The following NUP88 variants were observed in gnomAD, a reference collection of about 807,000 sequenced individuals.
NUP88 encodes the protein nuclear pore complex protein Nup88.
Under a neutral mutation model 93.9 loss-of-function variants are expected in NUP88, and 57 were observed. The ratio of observed to expected loss-of-function variants is 0.61; its 90% CI spans 0.49 to 0.76. The LOEUF is 0.76. Among genes scored for constraint, NUP88 ranks in the 30% least tolerant of loss-of-function variants. The pLI, the probability that NUP88 is intolerant of heterozygous loss-of-function variation, is 0.00. For synonymous variants in NUP88, 346 were observed against 336.8 expected, an observed-to-expected ratio of 1.03 and a Z score of -0.30; for missense variants, 911 against 901.0, an observed-to-expected ratio of 1.01 and a Z score of -0.14.
chr17:5,413,624 C>G (rs918912939), intron 3 of NUP88, among the ~76,000 whole-genome samples: 6 of 152,114 alleles, frequency 3.9e-5, no homozygotes, highest in Non-Finnish European at 7.4e-5. Flanking sequence ...AGCCCCCCAA[C>G]CCCTAAAAAG....
chr17:5,401,662 ATC>A (rs748657335), intron 7 of NUP88, among the ~76,000 whole-genome samples: 1 of 152,238 alleles, frequency 6.6e-6, no homozygotes, highest in Non-Finnish European at 1.5e-5. Context: ...TATGGGAATC[ATC>A]TGTTTGCATA....
chr17:5,393,435 CTTTTTTTT>C (rs35265554), intron 9 of NUP88, among the ~76,000 whole-genome samples: 3 of 121,698 alleles, frequency 2.5e-5, no homozygotes, highest in African/African-American at 6.1e-5. Context: ...GTTCACTTTT[CTTTTTTTT>C]TTTTTTTTTT....
Position 5,416,772 on chromosome 17 carries a change from TACAATTATAGGATA to T in NUP88, c.298-104_298-91del, listed in dbSNP as rs909035403. 1.5e-4 allele frequency: 144 copies of T among 991,230 alleles called. 1 individual carries two copies. The African/African-American group carries it at 2.1e-3, about 14-fold the overall frequency. 61.4% of individuals were successfully genotyped at this position (991,230 alleles called of 1,614,324 possible). ...GAAATCACAGTAATACTTAGTTTACTACAATTATAGGATAATAAAACTCTGGATAAGTACTCACA... is the reference window on the plus strand; with the variant it reads ...GAAATCACAGTAATACTTAGTTTACTATAAAACTCTGGATAAGTACTCACA... On this transcript the variant is annotated intron_variant, in intron 1 of 16. Coordinates refer to ENST00000573584, the MANE Select transcript of NUP88 (RefSeq NM_002532.6).
rs776638570 is a variant in NUP88 at position 5,399,688 on chromosome 17, T to G, written c.1193-38A>C. The stretch of plus-strand genomic sequence containing the variant: ...TGATTAATGATACAAAGGTAGCCAG[T>G]GGATAACTAAAAAAATTTACCTCAA... On this transcript the variant is annotated intron_variant, in intron 7 of 16. Coordinates refer to ENST00000573584, the MANE Select transcript of NUP88 (RefSeq NM_002532.6). 26 of 1,153,064 alleles carry G rather than the reference T, an allele frequency of 2.3e-5. No individual in the cohort carries two copies. In the African/African-American group the frequency reaches 3.8e-4, roughly 17 times the overall value. 71.4% of individuals were successfully genotyped at this position (1,153,064 alleles called of 1,614,324 possible).
At chr17:5,390,853 C>T (rs568930191) in intron 10 of NUP88, among the ~76,000 whole-genome samples, 1 of 152,146 alleles carries the variant, frequency 6.6e-6, no homozygotes, top group African/African-American at 2.4e-5. Flanking sequence ...TACCACCATG[C>T]CTGGCTAATT....
In NUP88 at chr17:5,396,564, G is replaced by A. The variant is rs1460077050; in HGVS notation, c.1292-1583C>T. 2.0e-5 allele frequency among the ~76,000 whole-genome samples: 3 copies of A among 152,090 alleles called. No homozygotes were observed. In the East Asian group the frequency reaches 5.8e-4, roughly 29 times the overall value. On this transcript the variant is annotated intron_variant, in intron 8 of 16. Coordinates refer to ENST00000573584, the MANE Select transcript of NUP88 (RefSeq NM_002532.6). ...ATGGACACTTGGGTATGTGGCTTCT[G>A]GGCTATGATGAATAATGCTGCTGTG...
chr17:5,394,441 A>G (rs56113612), intron 9 of NUP88, among the ~76,000 whole-genome samples: 66,207 of 151,848 alleles, frequency 0.44, 15,169 homozygotes, highest in East Asian at 0.84. Flanking sequence ...AGTGAAGGGC[A>G]GACACAGTCT....
chr17:5,402,826 C>T (rs1567572007), intron 7 of NUP88, among the ~76,000 whole-genome samples: 1 of 152,100 alleles, frequency 6.6e-6, no homozygotes, highest in South Asian at 2.1e-4. Context: ...GGCAAAATCC[C>T]GTATCTACCA....
chr17:5,410,969 G>T (rs1258978769), intron 3 of NUP88, among the ~76,000 whole-genome samples, 180 bp from the exon 4 acceptor site: 1 of 152,090 alleles, frequency 6.6e-6, no homozygotes, highest in Non-Finnish European at 1.5e-5. Flanking sequence ...ACTACATAAG[G>T]GAGTTTCATT....
rs373363774 is a variant in NUP88, at chr17:5,387,145, G to A, written c.1917-35C>T. ...AGGCAAGCAAACATCTCAATTTAAG[G>A]TCTCTACTAATTAGGAGAAACATAA... On this transcript the variant is annotated intron_variant, in intron 14 of 16. Coordinates refer to ENST00000573584, the MANE Select transcript of NUP88 (RefSeq NM_002532.6). The A allele has an allele frequency of 4.9e-5, 79 of 1,607,534 alleles. No homozygotes were observed. In the African/African-American group the frequency reaches 9.8e-4, roughly 20 times the overall value.
At chr17:5,391,760 G>T in intron 9 of NUP88, 98 bp from the exon 10 acceptor site, 1 of 944,110 alleles carries the variant, frequency 1.1e-6, no homozygotes, top group Non-Finnish European at 1.7e-6. Context: ...GGCCTGGGCT[G>T]AAGTTGCTTG....
intron 9 of NUP88, among the ~76,000 whole-genome samples, chr17:5,392,091 A>C (rs546509322): frequency 2.9e-4 from 44 of 152,356 alleles, no homozygotes; most frequent in Non-Finnish European, 5.0e-4. Context: ...CACAGCGTGT[A>C]TCTCTCTCAG....
chr17:5,400,265 G>A (rs979378451), intron 7 of NUP88, among the ~76,000 whole-genome samples: 14 of 151,750 alleles, frequency 9.2e-5, no homozygotes, highest in African/African-American at 3.1e-4. Context: ...TTGGGAGGCC[G>A]AGGTGGGAGG....
At chr17:5,390,634 A>G (rs75327142) in intron 10 of NUP88, among the ~76,000 whole-genome samples, 218 of 152,300 alleles carry the variant, frequency 1.4e-3, no homozygotes, top group African/African-American at 5.0e-3. Context: ...GCTGTTGGAA[A>G]AGGAACATAG....
Position 5,387,591 on chromosome 17 carries a change from T to A in NUP88, c.1835+14A>T. On this transcript the variant is annotated intron_variant, in intron 13 of 16. Coordinates refer to ENST00000573584, the MANE Select transcript of NUP88 (RefSeq NM_002532.6). ...TTACTGACCTATTGTATTCTTCTTA[T>A]TTTTGACACTTACCTCTCTTCTCGA... is the stretch of plus-strand genomic sequence containing the variant. 1 of 1,610,254 alleles carries A rather than the reference T, an allele frequency of 6.2e-7. No homozygotes were observed. Among genetic ancestry groups the A allele is most frequent in the Non-Finnish European group, 8.5e-7 (1 of 1,176,902 alleles).
intron 10 of NUP88, among the ~76,000 whole-genome samples, chr17:5,389,457 T>C (rs190191649): frequency 3.6e-4 from 55 of 152,306 alleles, no homozygotes; most frequent in African/African-American, 1.3e-3. Context: ...GCATGGCAAG[T>C]GACTTACTCT....
rs1283361175 is a variant in NUP88, at chr17:5,391,617, C to T, written c.1428G>A (p.Leu476=). ...TGGTGATGCAGATCATCGTGGGTCCCAGAATGTCAGGTACAATCCAAAATC... is the reference window on the plus strand; with the variant it reads ...TGGTGATGCAGATCATCGTGGGTCCTAGAATGTCAGGTACAATCCAAAATC... ...IRGFWIVPDI[L]GPTMICITST... Residue 476 remains leucine (L), a synonymous_variant, in exon 10 of 17, where the codon CTG becomes CTA. Coordinates refer to ENST00000573584, the MANE Select transcript of NUP88 (RefSeq NM_002532.6). The T allele has an allele frequency of 6.2e-7, 1 of 1,614,128 alleles. No homozygotes were observed. The highest frequency in any genetic ancestry group is 2.2e-5 in the East Asian group (1 of 44,890).
chr17:5,406,414 T>TGAAGTACAC (rs1913493040), intron 5 of NUP88, among the ~76,000 whole-genome samples: 1 of 152,188 alleles, frequency 6.6e-6, no homozygotes, highest in Non-Finnish European at 1.5e-5. Context: ...AGGACTGGCT[T>TGAAGTACAC]ATGAAGTACA....
chr17:5,386,402 G>C, intron 16 of NUP88, 133 bp from the exon 17 acceptor site: 1 of 737,984 alleles, frequency 1.4e-6, no homozygotes, highest in East Asian at 2.6e-5. Flanking sequence ...GGTTTCAGGT[G>C]GATAGCAATA....
Sources: allele counts gnomAD v4.1 joint callset (sites outside exome capture counted in the v4.1 genomes callset), GRCh38; gene constraint gnomAD v4.1.1; transcripts MANE v1.5; gene names NCBI Gene and HGNC (gene_info 2026-07-23, HGNC 2026-07-21).